The following UTP6 variants were observed in gnomAD, a reference collection of about 807,000 sequenced individuals.
UTP6 encodes the protein U3 small nucleolar RNA-associated protein 6 homolog.
In UTP6, 60 loss-of-function variants were observed where a neutral mutation model predicts 96.5. The observed-to-expected ratio is 0.62, with a 90% CI of 0.51 to 0.77. The LOEUF is 0.77. Ranked by LOEUF, UTP6 falls within the 30% of genes least tolerant of loss-of-function variation. The pLI, the probability that UTP6 is intolerant of heterozygous loss-of-function variation, is 0.00. For missense variants in UTP6, 637 were observed against 706.5 expected (o/e 0.90, Z 1.12); for synonymous variants, 215 against 240.1 (o/e 0.90, Z 0.96).
chr17:31,897,663 G>A (rs774739945), intron 2 of UTP6, among the ~76,000 whole-genome samples: 1 of 151,886 alleles, frequency 6.6e-6, no homozygotes, highest in Non-Finnish European at 1.5e-5. Context: ...TGGCCAGGCT[G>A]GTCTCGAACT....
intron 2 of UTP6, among the ~76,000 whole-genome samples, chr17:31,897,670 A>G (rs1904737005): frequency 6.6e-6 from 1 of 151,930 alleles, no homozygotes; most frequent in Non-Finnish European, 1.5e-5. Flanking sequence ...GCTGGTCTCG[A>G]ACTCCTGACC....
At chr17:31,888,764 C>G (rs911666622) in intron 7 of UTP6, among the ~76,000 whole-genome samples, 7 of 152,010 alleles carry the variant, frequency 4.6e-5, no homozygotes, top group African/African-American at 7.2e-5. Context: ...AAATTGAAGC[C>G]TTTTTTATTT....
At chr17:31,892,436 G>T in intron 5 of UTP6, 113 bp from the exon 6 acceptor site, 1 of 1,081,878 alleles carries the variant, frequency 9.2e-7, no homozygotes. Flanking sequence ...AGCATGACAT[G>T]CTATTGCTAG....
intron 18 of UTP6, among the ~76,000 whole-genome samples, chr17:31,864,310 C>A (rs1005949627): frequency 6.6e-6 from 1 of 152,172 alleles, no homozygotes; most frequent in Non-Finnish European, 1.5e-5. Context: ...TCGCTTGAAT[C>A]TGGGAGGCAG....
chr17:31,870,472 G>T (rs1487344880), intron 16 of UTP6, among the ~76,000 whole-genome samples: 5 of 147,750 alleles, frequency 3.4e-5, no homozygotes, highest in African/African-American at 1.2e-4. Context: ...TATTATGTTT[G>T]TTTTGTTTTG....
chr17:31,882,754 A>T (rs1423434368), intron 10 of UTP6, among the ~76,000 whole-genome samples: 3 of 152,094 alleles, frequency 2.0e-5, no homozygotes, highest in Non-Finnish European at 4.4e-5. Flanking sequence ...GTTACCAAAA[A>T]ACGGAAGTAC....
intron 6 of UTP6, among the ~76,000 whole-genome samples, chr17:31,891,001 A>T (rs1349225684): frequency 6.6e-6 from 1 of 152,224 alleles, no homozygotes; most frequent in Non-Finnish European, 1.5e-5. Context: ...AAAATAAAAA[A>T]TAAAATAAAT....
chr17:31,866,137 A>C (rs958607464), intron 17 of UTP6, among the ~76,000 whole-genome samples: 1 of 151,856 alleles, frequency 6.6e-6, no homozygotes, highest in Non-Finnish European at 1.5e-5. Flanking sequence ...AATACAAAAA[A>C]TTAGCCAGGC....
intron 7 of UTP6, among the ~76,000 whole-genome samples, chr17:31,888,944 C>T (rs1009008483): frequency 1.1e-4 from 17 of 151,562 alleles, no homozygotes; most frequent in African/African-American, 4.1e-4. Context: ...TGGTGGCAGG[C>T]ACCTGTAGTC....
At chr17:31,868,997 T>C (rs573957149) in intron 16 of UTP6, among the ~76,000 whole-genome samples, 7 of 151,972 alleles carry the variant, frequency 4.6e-5, no homozygotes, top group Non-Finnish European at 8.8e-5. Flanking sequence ...TATAATCCCA[T>C]CTACTTGGGA....
intron 16 of UTP6, among the ~76,000 whole-genome samples, chr17:31,869,467 C>A (rs1367398793): frequency 6.6e-6 from 1 of 151,996 alleles, no homozygotes; most frequent in Non-Finnish European, 1.5e-5. Context: ...GCATGAGCCA[C>A]CACGCCTGGC....
Position 31,901,449 on chromosome 17 carries a change from G to A in UTP6, c.92+87C>T, listed in dbSNP as rs191466281. 5 of 1,239,248 alleles carry A rather than the reference G, an allele frequency of 4.0e-6. No individual in the cohort carries two copies. The African/African-American group carries it at 4.4e-5, about 11-fold the overall frequency. The allele number at this position is 1,239,248 out of a possible 1,614,324, so 76.8% of individuals were successfully genotyped here. A position where few individuals can be genotyped will look rare whatever the true frequency, so the allele number is the denominator to read the frequency against. On this transcript the variant is annotated intron_variant, in intron 1 of 18. Transcript: ENST00000261708. ...ACGTTAGGAAAAGTAAACACAGGTC[G>A]AGCGTCCCCACATCTAGCCCCTGCC...
intron 3 of UTP6, 56 bp from the exon 4 acceptor site, chr17:31,894,793 G>T: frequency 6.8e-7 from 1 of 1,476,850 alleles, no homozygotes; most frequent in Non-Finnish European, 9.4e-7. Context: ...GTCCAAAACA[G>T]CATTCCTACT....
chr17:31,870,272 T>TAATTTA (rs1392155391), intron 16 of UTP6, among the ~76,000 whole-genome samples: 2 of 152,200 alleles, frequency 1.3e-5, no homozygotes, highest in Non-Finnish European at 2.9e-5. Flanking sequence ...GTGGCTGAAC[T>TAATTTA]AATTTACATT....
chr17:31,894,651 T>C lies in UTP6; in HGVS notation c.306A>G (p.Lys102=). 4.4e-6 allele frequency: 7 copies of C among 1,606,584 alleles called. No individual in the cohort carries two copies. The highest frequency in any genetic ancestry group is 6.0e-6 in the Non-Finnish European group (7 of 1,175,484). The change falls in exon 4 of 19, where the codon AAA becomes AAG. Residue 102 remains lysine, a synonymous_variant. Transcript: ENST00000261708. ...GGATGCCTTGATCACTCACTTTCCA[T>C]TTTGCTGAGGCACGCTGGAAAACAC... is the stretch of plus-strand genomic sequence containing the variant. ...VQGVFQRASA[K]WKDDVQLWLS... is the part of the protein sequence containing the mutation.
intron 5 of UTP6, 57 bp downstream of exon 5, chr17:31,892,690 A>G (rs1483271121): frequency 6.2e-7 from 1 of 1,607,038 alleles, no homozygotes; most frequent in Non-Finnish European, 8.5e-7. Context: ...TGAAGCTTAA[A>G]GGGCAGATTA....
At chr17:31,878,939 G>C (rs1264496653) in intron 11 of UTP6, among the ~76,000 whole-genome samples, 158 bp from the exon 12 acceptor site, 1 of 152,188 alleles carries the variant, frequency 6.6e-6, no homozygotes, top group African/African-American at 2.4e-5. Context: ...CTGATTTTAA[G>C]AAGTGTTATG....
intron 17 of UTP6, among the ~76,000 whole-genome samples, chr17:31,865,719 A>C (rs968575802): frequency 1.3e-5 from 2 of 152,246 alleles, no homozygotes; most frequent in African/African-American, 2.4e-5. Flanking sequence ...ACAGTATTTG[A>C]AAGTCTTGAG....
intron 11 of UTP6, 112 bp downstream of exon 11, chr17:31,880,461 T>A: frequency 1.6e-6 from 2 of 1,237,960 alleles, no homozygotes; most frequent in Non-Finnish European, 2.3e-6. Context: ...CATCGTAAAC[T>A]ATGTTACAGA....
Sources: gnomAD v4.1 joint callset for allele counts (sites outside exome capture counted in the v4.1 genomes callset) on GRCh38, gnomAD v4.1.1 for gene constraint, MANE v1.5 for transcripts, NCBI Gene and HGNC (gene_info 2026-07-23, HGNC 2026-07-21) for gene names.